The following APBB2 variants were observed in gnomAD, a reference collection of about 807,000 sequenced individuals.
APBB2 encodes the protein amyloid beta precursor protein binding family B member 2.
APBB2 carries 38 observed loss-of-function variants against 82.5 expected under a neutral mutation model. That is an observed-to-expected ratio of 0.46 (90% CI 0.36 to 0.60). The LOEUF is 0.60. Among genes scored for constraint, APBB2 ranks in the 20% least tolerant of loss-of-function variants. APBB2 has a pLI of 0.00. For synonymous variants in APBB2, 341 were observed against 368.2 expected, an observed-to-expected ratio of 0.93 and a Z score of 0.85; for missense variants, 772 against 972.3, an observed-to-expected ratio of 0.79 and a Z score of 2.74.
At chr4:40,926,364 T>C (rs192572694) in intron 10 of APBB2, among the ~76,000 whole-genome samples, 1 of 151,802 alleles carries the variant, frequency 6.6e-6, no homozygotes, top group East Asian at 1.9e-4. Flanking sequence ...TGAGAAGGAG[T>C]CTGTCCTCAA....
chr4:41,176,860 C>T (rs1377262903), intron 1 of APBB2, among the ~76,000 whole-genome samples: 2 of 151,940 alleles, frequency 1.3e-5, no homozygotes, highest in Admixed American at 6.6e-5. Context: ...TTGAAATAAT[C>T]TGAATATGAA....
At chr4:40,888,955 ATGTTT>A (rs1771167152) in intron 12 of APBB2, among the ~76,000 whole-genome samples, 1 of 152,274 alleles carries the variant, frequency 6.6e-6, no homozygotes, top group African/African-American at 2.4e-5. Flanking sequence ...CCAAAGTTAA[ATGTTT>A]TTAATGACGA....
At chr4:40,853,575 G>C (rs919494462) in intron 12 of APBB2, among the ~76,000 whole-genome samples, 6 of 151,738 alleles carry the variant, frequency 4.0e-5, no homozygotes, top group Admixed American at 1.3e-4. Flanking sequence ...TCAGCCTCAC[G>C]AGCAGCTGGG....
chr4:41,162,613 GGA>G (rs1765461914), intron 1 of APBB2, among the ~76,000 whole-genome samples: 1 of 152,136 alleles, frequency 6.6e-6, no homozygotes, highest in South Asian at 2.1e-4. Flanking sequence ...TAGTACTTTG[GGA>G]GGCTGTGGTG....
At chr4:41,146,344 A>AAAAAC (rs1560875013) in intron 1 of APBB2, among the ~76,000 whole-genome samples, 4 of 149,260 alleles carry the variant, frequency 2.7e-5, no homozygotes, top group African/African-American at 1.0e-4. Context: ...AAAAAAAAAA[A>AAAAAC]AAAACCCGGG....
intron 2 of APBB2, among the ~76,000 whole-genome samples, chr4:41,136,258 A>G (rs1199248957): frequency 6.6e-6 from 1 of 152,190 alleles, no homozygotes; most frequent in African/African-American, 2.4e-5. Context: ...CCAGAACATT[A>G]TACTACACTC....
chr4:40,838,635 A>G (rs1195464661), intron 12 of APBB2, among the ~76,000 whole-genome samples: 1 of 152,010 alleles, frequency 6.6e-6, no homozygotes, highest in Non-Finnish European at 1.5e-5. Context: ...CGCCTTGCCA[A>G]TTTTTGTATT....
intron 10 of APBB2, among the ~76,000 whole-genome samples, chr4:40,914,499 C>A (rs1199064595): frequency 6.6e-6 from 1 of 152,168 alleles, no homozygotes; most frequent in African/African-American, 2.4e-5. Context: ...TTGCAGTGAG[C>A]CGACATCGCG....
intron 12 of APBB2, among the ~76,000 whole-genome samples, chr4:40,876,613 G>A (rs958332938): frequency 6.6e-6 from 1 of 152,134 alleles, no homozygotes; most frequent in African/African-American, 2.4e-5. Context: ...GACAGTATTT[G>A]CATATAACCT....
In APBB2 at chr4:40,890,505, A is replaced by G. The variant is rs1771684055; in HGVS notation, c.1402-14T>C. ...CATGTCTTTCCCCTGGGACACAACGAGAAAACACGCTGTCTTCTTCATGCA... is the reference window on the plus strand; with the variant it reads ...CATGTCTTTCCCCTGGGACACAACGGGAAAACACGCTGTCTTCTTCATGCA... On this transcript the variant is annotated splice_polypyrimidine_tract_variant and intron_variant, in intron 11 of 17. Transcript: ENST00000508593. The G allele has an allele frequency of 6.2e-7, 1 of 1,613,434 alleles. No individual in the cohort carries two copies. Among genetic ancestry groups the G allele is most frequent in the Non-Finnish European group, 8.5e-7 (1 of 1,179,774 alleles).
At chr4:40,918,823 C>T (rs1362305088) in intron 10 of APBB2, among the ~76,000 whole-genome samples, 1 of 150,086 alleles carries the variant, frequency 6.7e-6, no homozygotes, top group African/African-American at 2.5e-5. Context: ...TATGTTCAGG[C>T]AGGTCTCAAA....
rs571587858 is a variant in APBB2 at position 40,985,178 on chromosome 4, T to G, written c.835+28405A>C. ...GATCCTCTTGCCTCAGCCTCCAACG[T>G]GTTGGGATTACAGGCGTGAGCCACT... On this transcript the variant is annotated intron_variant, in intron 6 of 17. Transcript: ENST00000508593. 2.0e-5 allele frequency among the ~76,000 whole-genome samples: 3 copies of G among 152,254 alleles called. No homozygotes were observed. The East Asian group carries it at 5.8e-4, about 29-fold the overall frequency.
chr4:41,093,769 G>T, intron 3 of APBB2, among the ~76,000 whole-genome samples: 1 of 151,992 alleles, frequency 6.6e-6, no homozygotes. Context: ...CGGAAGAATC[G>T]CTTGAATCTG....
chr4:40,838,329 A>ATTTTTTTTTT (rs780767835), intron 12 of APBB2, among the ~76,000 whole-genome samples: 1 of 72,260 alleles, frequency 1.4e-5, no homozygotes. Context: ...CACATGGCTA[A>ATTTTTTTTTT]TTTTTTTTTT....
At chr4:40,838,839 C>T (rs965831303) in intron 12 of APBB2, among the ~76,000 whole-genome samples, 1 of 152,172 alleles carries the variant, frequency 6.6e-6, no homozygotes, top group Non-Finnish European at 1.5e-5. Context: ...GTGCAACTCT[C>T]GTAGTGTAAG....
At chr4:41,032,887 C>T (rs1717516657) in intron 5 of APBB2, among the ~76,000 whole-genome samples, 1 of 145,172 alleles carries the variant, frequency 6.9e-6, no homozygotes, top group South Asian at 2.3e-4. Context: ...CGGGTTCACG[C>T]CATTCTCCTG....
In APBB2 at chr4:40,832,544, C is replaced by T. The variant is rs1052660737; in HGVS notation, c.1530-1967G>A. On this transcript the variant is annotated intron_variant, in intron 12 of 17. Transcript: ENST00000508593. The surrounding 1 kb of genome is among the most constrained non-coding windows in gnomAD (Gnocchi z 4.8). ...ACGTGCCACACCCAATCCCCACATT[C>T]GTCCTGTTTCACCTCCTGGAAATTT... Among the ~76,000 whole-genome samples the T allele has an allele frequency of 2.6e-4, 40 of 152,314 alleles. No homozygotes were observed. Among genetic ancestry groups the T allele is most frequent in the African/African-American group, 7.7e-4 (32 of 41,570 alleles).
chr4:40,817,485 AT>A (rs1416162562), intron 17 of APBB2, among the ~76,000 whole-genome samples: 2 of 151,882 alleles, frequency 1.3e-5, no homozygotes, highest in Admixed American at 6.6e-5. Context: ...TTATATGAGG[AT>A]TTTTTTTCAA....
At chr4:40,929,779 G>T (rs1477624101) in intron 10 of APBB2, among the ~76,000 whole-genome samples, 1 of 152,156 alleles carries the variant, frequency 6.6e-6, no homozygotes, top group Non-Finnish European at 1.5e-5. Flanking sequence ...TGCAATAAGT[G>T]ACAGAAGCAA....
Sources: allele counts gnomAD v4.1 joint callset (sites outside exome capture counted in the v4.1 genomes callset), GRCh38; gene constraint gnomAD v4.1.1; non-coding constraint Gnocchi (gnomAD v3.1); transcripts MANE v1.5; gene names NCBI Gene and HGNC (gene_info 2026-07-23, HGNC 2026-07-21).